The following KCNN2 variants were observed in gnomAD, a reference collection of about 807,000 sequenced individuals.
The protein encoded by KCNN2 is small conductance calcium-activated potassium channel protein 2.
KCNN2 carries 24 observed loss-of-function variants against 55.5 expected under a neutral mutation model. The ratio of observed to expected loss-of-function variants is 0.43; its 90% CI spans 0.31 to 0.61. KCNN2 has a LOEUF of 0.61. Among genes scored for constraint, KCNN2 ranks in the 20% least tolerant of loss-of-function variants. The pLI is 0.08. For synonymous variants in KCNN2, 431 were observed against 336.1 expected (o/e 1.28, Z -3.09); for missense variants, 754 against 853.6 (o/e 0.88, Z 1.45).
At chr5:114,443,284 G>A (rs1441561552) in intron 3 of KCNN2, among the ~76,000 whole-genome samples, 3 of 149,330 alleles carry the variant, frequency 2.0e-5, no homozygotes, top group Admixed American at 6.7e-5. Context: ...GAGAGACTCC[G>A]TCTCAAAAAA....
chr5:114,340,326 T>C (rs1196400574), intron 2 of KCNN2, among the ~76,000 whole-genome samples: 1 of 152,200 alleles, frequency 6.6e-6, no homozygotes, highest in East Asian at 1.9e-4. Context: ...CAATGTATTG[T>C]ACAAATATTT....
chr5:114,380,461 G>A (rs79769950), intron 2 of KCNN2, among the ~76,000 whole-genome samples: 10 of 152,276 alleles, frequency 6.6e-5, no homozygotes, highest in South Asian at 6.2e-4. Flanking sequence ...GAAAGGGATC[G>A]TGATTCAATT....
chr5:114,143,038 A>G (rs2974471), intron 1 of KCNN2, among the ~76,000 whole-genome samples: 19,724 of 152,004 alleles, frequency 0.13, 1,670 homozygotes, highest in African/African-American at 0.24. Flanking sequence ...AGAAATAATA[A>G]ACGCACACAA....
At chr5:114,490,792 CTGAT>C (rs1437135734) in intron 6 of KCNN2, 4 of 397,710 alleles carry the variant, frequency 1.0e-5, no homozygotes, top group East Asian at 3.6e-5. Context: ...TTTTAGTAGT[CTGAT>C]TGCTGCTATG....
chr5:114,110,601 C>G (rs1009708054), intron 1 of KCNN2, among the ~76,000 whole-genome samples: 1 of 151,954 alleles, frequency 6.6e-6, no homozygotes, highest in African/African-American at 2.4e-5. Flanking sequence ...TCCTTTTTTT[C>G]CCATTCTCTT....
intron 2 of KCNN2, among the ~76,000 whole-genome samples, chr5:114,255,994 C>T (rs895549498): frequency 2.0e-5 from 3 of 152,008 alleles, no homozygotes; most frequent in Non-Finnish European, 4.4e-5. Context: ...TCTCCCATCC[C>T]CCTCCTACTC....
intron 5 of KCNN2, among the ~76,000 whole-genome samples, chr5:114,482,808 T>C (rs1037807840): frequency 5.9e-5 from 9 of 152,126 alleles, no homozygotes; most frequent in African/African-American, 2.2e-4. Context: ...TTCTGACTTA[T>C]AAGTGACAGC....
chr5:114,091,052 C>T (rs1561471243), intron 1 of KCNN2, among the ~76,000 whole-genome samples: 2 of 152,128 alleles, frequency 1.3e-5, no homozygotes, highest in Non-Finnish European at 1.5e-5. Context: ...GTTGCTCAGA[C>T]TGATCTCAAA....
At chr5:114,322,586 CACACACACACACACACACAT>C (rs796531031) in intron 2 of KCNN2, among the ~76,000 whole-genome samples, 8 of 151,734 alleles carry the variant, frequency 5.3e-5, no homozygotes, top group African/African-American at 1.9e-4. Context: ...TACACACACA[CACACACACACACACACACAT>C]ACACACTTGA....
chr5:114,220,496 A>G (rs1580631894), intron 1 of KCNN2, among the ~76,000 whole-genome samples: 1 of 152,162 alleles, frequency 6.6e-6, no homozygotes, highest in African/African-American at 2.4e-5. Context: ...TTCAAAAACT[A>G]TTTGTAAAAT....
At chr5:114,451,819 C>T (rs1760700878) in intron 3 of KCNN2, among the ~76,000 whole-genome samples, 1 of 151,784 alleles carries the variant, frequency 6.6e-6, no homozygotes, top group South Asian at 2.1e-4. Flanking sequence ...ATGGCGTGAA[C>T]CCGGGTGGCG....
chr5:114,474,848 T>C (rs1761897841), intron 5 of KCNN2, among the ~76,000 whole-genome samples: 1 of 151,978 alleles, frequency 6.6e-6, no homozygotes, highest in African/African-American at 2.4e-5. Flanking sequence ...GAAAAATACC[T>C]TAAAATACCA....
intron 2 of KCNN2, among the ~76,000 whole-genome samples, chr5:114,248,381 A>G (rs1409723900): frequency 6.6e-6 from 1 of 152,194 alleles, no homozygotes; most frequent in Non-Finnish European, 1.5e-5. Context: ...GAAGTTACAC[A>G]ATGTAAAATG....
intron 2 of KCNN2, among the ~76,000 whole-genome samples, chr5:114,388,704 G>A (rs958609500): frequency 6.6e-6 from 1 of 152,068 alleles, no homozygotes; most frequent in African/African-American, 2.4e-5. Context: ...GTCTCAAAAT[G>A]TCTTTCACCC....
At chr5:114,284,998 G>T (rs772545798) in intron 2 of KCNN2, among the ~76,000 whole-genome samples, 6 of 151,638 alleles carry the variant, frequency 4.0e-5, no homozygotes, top group Non-Finnish European at 5.9e-5. Context: ...GAGTAAGTTG[G>T]CAGGCTGGGC....
chr5:114,215,360 G>A (rs1442132617), intron 1 of KCNN2, among the ~76,000 whole-genome samples: 1 of 152,030 alleles, frequency 6.6e-6, no homozygotes, highest in Non-Finnish European at 1.5e-5. Context: ...TAGTAAGCTG[G>A]GAGTAAGAAA....
intron 3 of KCNN2, among the ~76,000 whole-genome samples, chr5:114,444,429 G>A (rs1760327307): frequency 1.3e-5 from 2 of 152,170 alleles, no homozygotes; most frequent in Middle Eastern, 3.4e-3. Context: ...ATCCTGGAGG[G>A]GTAAGAGCAA....
chr5:114,263,770 C>G (rs1755157270), intron 2 of KCNN2, among the ~76,000 whole-genome samples: 1 of 152,186 alleles, frequency 6.6e-6, no homozygotes, highest in African/African-American at 2.4e-5. Context: ...ACTAAAACAA[C>G]CAACTTGACT....
At chr5:114,121,955 G>T (rs77897846) in intron 1 of KCNN2, among the ~76,000 whole-genome samples, 6 of 152,300 alleles carry the variant, frequency 3.9e-5, no homozygotes, top group Admixed American at 1.3e-4. Context: ...GAGGATGTTT[G>T]TTCTGTTTTA....
Sources: allele counts gnomAD v4.1 joint callset (sites outside exome capture counted in the v4.1 genomes callset), GRCh38; gene constraint gnomAD v4.1.1; transcripts MANE v1.5; gene names NCBI Gene and HGNC (gene_info 2026-07-23, HGNC 2026-07-21).